The following UBE2E3 variants were observed in gnomAD, a reference collection of about 807,000 sequenced individuals.
The protein encoded by UBE2E3 is ubiquitin-conjugating enzyme E2 E3.
Under a neutral mutation model 23.6 loss-of-function variants are expected in UBE2E3, and 5 were observed. The observed-to-expected ratio is 0.21, with a 90% CI of 0.11 to 0.44. UBE2E3 has a LOEUF of 0.44. Ranked by LOEUF, UBE2E3 falls within the 20% of genes least tolerant of loss-of-function variation. The pLI is 0.99. For missense variants in UBE2E3, 81 were observed against 249.8 expected (o/e 0.32, Z 4.55); for synonymous variants, 78 against 87.5 (o/e 0.89, Z 0.60).
At chr2:180,990,102 A>C (rs1390857901) in intron 3 of UBE2E3, 3 of 1,022,984 alleles carry the variant, frequency 2.9e-6, no homozygotes, top group Non-Finnish European at 4.1e-6. Flanking sequence ...AACATCTTCA[A>C]ACTTTTAACC....
In UBE2E3 at chr2:181,057,929, C is replaced by G; in HGVS notation, c.378+104C>G. 3.3e-6 allele frequency: 4 copies of G among 1,217,030 alleles called. No individual in the cohort carries two copies. In the Admixed American group the frequency reaches 7.1e-5, roughly 22 times the overall value. The allele number at this position is 1,217,030 out of a possible 1,614,324, so 75.4% of individuals were successfully genotyped here. ...TGATGCAGTTATTTTGATTTCATTG[C>G]TTTTCATGGATTGATATGGAAATTT... On this transcript the variant is annotated intron_variant, in intron 4 of 5. Coordinates refer to ENST00000410062, the MANE Select transcript of UBE2E3 (RefSeq NM_006357.4).
rs936291030 is a variant in UBE2E3 at position 181,054,710 on chromosome 2, C to CA, written c.246-2975dup. Among the ~76,000 whole-genome samples, 107 of 151,428 alleles carry CA rather than the reference C, an allele frequency of 7.1e-4. No homozygotes were observed. In the Middle Eastern group the frequency reaches 0.01, roughly 14 times the overall value. Reference sequence around the variant, plus strand: ...GTTCTCTTGACATTGTCTTGCAGAGCAAAAAAAATCTAGGCTGCAGTTACA... The same window carrying CA: ...GTTCTCTTGACATTGTCTTGCAGAGCAAAAAAAAATCTAGGCTGCAGTTACA... On this transcript the variant is annotated intron_variant, in intron 3 of 5. Transcript: ENST00000410062.
chr2:181,028,502 T>TA (rs1159384869), intron 3 of UBE2E3, among the ~76,000 whole-genome samples: 1 of 152,142 alleles, frequency 6.6e-6, no homozygotes, highest in African/African-American at 2.4e-5. Context: ...GATACACTGA[T>TA]ACACATTTCC....
intron 3 of UBE2E3, among the ~76,000 whole-genome samples, chr2:180,997,048 T>C (rs1023244833): frequency 4.6e-5 from 7 of 152,030 alleles, no homozygotes; most frequent in East Asian, 1.9e-4. Context: ...TTTTTTTTTT[T>C]CCACTTACAG....
At position 181,031,743 on chromosome 2, in the gene UBE2E3, A is replaced by G. The variant is rs573966431; in HGVS notation, c.246-25950A>G. Among the ~76,000 whole-genome samples the G allele has an allele frequency of 4.3e-4, 66 of 152,216 alleles. 1 individual carries two copies. Among genetic ancestry groups the G allele is most frequent in the Middle Eastern group, 6.8e-3 (2 of 294 alleles). ...TTCTTTACACCCATTTTTGGAGGCT[A>G]TACACTATTTCTGTATCCTTAGTGG... On this transcript the variant is annotated intron_variant, in intron 3 of 5. Transcript: ENST00000410062.
intron 3 of UBE2E3, among the ~76,000 whole-genome samples, chr2:181,035,940 A>G (rs1646602519): frequency 6.6e-6 from 1 of 152,132 alleles, no homozygotes. Context: ...CTCTATAGGT[A>G]TAAAGTAAGC....
chr2:181,011,034 C>A (rs1265776004), intron 3 of UBE2E3, among the ~76,000 whole-genome samples: 1 of 151,988 alleles, frequency 6.6e-6, no homozygotes, highest in Non-Finnish European at 1.5e-5. Flanking sequence ...ATAAGCCCTT[C>A]ACTTAATAAA....
chr2:181,030,149 A>T (rs912906072), intron 3 of UBE2E3, among the ~76,000 whole-genome samples: 2 of 151,572 alleles, frequency 1.3e-5, no homozygotes, highest in South Asian at 4.2e-4. Context: ...TTTTCCATGA[A>T]AGTATTTTGG....
intron 3 of UBE2E3, among the ~76,000 whole-genome samples, chr2:181,030,290 A>G (rs529529115): frequency 3.8e-4 from 58 of 151,896 alleles, no homozygotes; most frequent in Non-Finnish European, 6.8e-4. Context: ...TAAATTGAAT[A>G]TGTATATTTT....
chr2:181,034,127 C>G (rs1162368427), intron 3 of UBE2E3, among the ~76,000 whole-genome samples: 3 of 152,140 alleles, frequency 2.0e-5, no homozygotes, highest in Non-Finnish European at 4.4e-5. Context: ...GGCAATTTCT[C>G]AAGGATCTTG....
intron 3 of UBE2E3, among the ~76,000 whole-genome samples, chr2:181,055,019 A>AT (rs1686949723): frequency 6.6e-6 from 1 of 151,786 alleles, no homozygotes; most frequent in South Asian, 2.1e-4. Context: ...CAGTCAAATA[A>AT]TATGAAGATT....
intron 3 of UBE2E3, among the ~76,000 whole-genome samples, chr2:180,995,295 G>A (rs1684790830): frequency 6.6e-6 from 1 of 152,128 alleles, no homozygotes; most frequent in Admixed American, 6.5e-5. Context: ...TGCTTGACAT[G>A]TACTGTAGGT....
At chr2:181,001,186 A>T (rs886231155) in intron 3 of UBE2E3, among the ~76,000 whole-genome samples, 1 of 152,224 alleles carries the variant, frequency 6.6e-6, no homozygotes, top group Admixed American at 6.5e-5. Context: ...TCTGTACTCC[A>T]GAGTTCCTTT....
At chr2:181,034,118 G>A (rs1417633883) in intron 3 of UBE2E3, among the ~76,000 whole-genome samples, 3 of 152,176 alleles carry the variant, frequency 2.0e-5, no homozygotes, top group South Asian at 2.1e-4. Flanking sequence ...AGACAGTGTG[G>A]CAATTTCTCA....
intron 3 of UBE2E3, among the ~76,000 whole-genome samples, chr2:180,993,196 A>G (rs1684720682): frequency 6.6e-6 from 1 of 152,212 alleles, no homozygotes; most frequent in Non-Finnish European, 1.5e-5. Context: ...AGTAATACCA[A>G]TAGTGAGGAT....
intron 3 of UBE2E3, among the ~76,000 whole-genome samples, chr2:181,021,515 C>A (rs1459452302): frequency 2.3e-5 from 3 of 131,560 alleles, no homozygotes; most frequent in African/African-American, 8.7e-5. Flanking sequence ...TTCCTTCTTT[C>A]TTTTATTCTT....
intron 3 of UBE2E3, among the ~76,000 whole-genome samples, chr2:181,040,153 G>A (rs1033386220): frequency 6.6e-6 from 1 of 152,144 alleles, no homozygotes; most frequent in African/African-American, 2.4e-5. Context: ...TTAAATTGGG[G>A]AGGAAAATAT....
At chr2:180,994,141 C>G (rs1037629584) in intron 3 of UBE2E3, among the ~76,000 whole-genome samples, 2 of 152,134 alleles carry the variant, frequency 1.3e-5, no homozygotes, top group Admixed American at 6.5e-5. Flanking sequence ...TTTTTCTCAT[C>G]TTCCCAGGTG....
At chr2:180,986,618 G>A (rs1457880757) in intron 3 of UBE2E3, among the ~76,000 whole-genome samples, 1 of 152,060 alleles carries the variant, frequency 6.6e-6, no homozygotes, top group Non-Finnish European at 1.5e-5. Flanking sequence ...ATTAAAAATG[G>A]AATCTATATT....
Sources: gnomAD v4.1 joint callset for allele counts (sites outside exome capture counted in the v4.1 genomes callset) on GRCh38, gnomAD v4.1.1 for gene constraint, MANE v1.5 for transcripts, NCBI Gene and HGNC (gene_info 2026-07-23, HGNC 2026-07-21) for gene names.